EN2: variants seen among roughly 807,000 people sequenced by gnomAD.
EN2 encodes the protein engrailed homeobox 2.
In EN2, 7 loss-of-function variants were observed where a neutral mutation model predicts 25.0. That is an observed-to-expected ratio of 0.28 (90% CI 0.16 to 0.53). EN2 has a LOEUF of 0.53. EN2 is among the 20% of genes least tolerant of loss of function. The probability of loss-of-function intolerance (pLI) is 0.96; values close to 1 mark genes in which losing one functional copy is unlikely to be tolerated. For synonymous variants in EN2, 277 were observed against 243.3 expected (o/e 1.14, Z -1.29); for missense variants, 524 against 501.8 (o/e 1.04, Z -0.42).
chr7:155,458,288 G>A lies in EN2; in HGVS notation c.-90G>A, dbSNP rs1044447218. The A allele has an allele frequency of 1.7e-5, 21 of 1,243,830 alleles. No homozygotes were observed. The highest frequency in any genetic ancestry group is 1.9e-5 in the Non-Finnish European group (19 of 986,644). 77.0% of individuals were successfully genotyped at this position (1,243,830 alleles called of 1,614,324 possible). On this transcript the variant is annotated 5_prime_UTR_variant, in exon 1 of 2. Coordinates refer to ENST00000297375, the MANE Select transcript of EN2 (RefSeq NM_001427.4). ...TCGGAAGACTCGGCGGGGTGGGGGC[G>A]CGGGGGTCTCCGTGTGCGCCGCGGG...
intron 1 of EN2, among the ~76,000 whole-genome samples, 171 bp from the exon 2 acceptor site, chr7:155,462,200 C>T (rs1028699206): frequency 2.0e-5 from 3 of 152,200 alleles, no homozygotes; most frequent in African/African-American, 4.8e-5. Flanking sequence ...GGTGGAGGTC[C>T]GCGTTGAGCC....
chr7:155,464,374 G>A lies in EN2; in HGVS notation c.*1687G>A, dbSNP rs1795735244. 6.6e-6 allele frequency: 1 copy of A among 152,488 alleles called. No individual in the cohort carries two copies. The highest frequency in any genetic ancestry group is 2.4e-5 in the African/African-American group (1 of 41,422). The allele number at this position is 152,488 out of a possible 1,614,324, so 9.4% of individuals were successfully genotyped here. Reference sequence around the variant, plus strand: ...GGGGTGTGCCCACGGCTGACCCAGGGGTGTGCACACGGCTGAGCTGGGAGT... The same window carrying A: ...GGGGTGTGCCCACGGCTGACCCAGGAGTGTGCACACGGCTGAGCTGGGAGT... On this transcript the variant is annotated 3_prime_UTR_variant, in exon 2 of 2. Coordinates refer to ENST00000297375, the MANE Select transcript of EN2 (RefSeq NM_001427.4).
intron 1 of EN2, among the ~76,000 whole-genome samples, chr7:155,461,073 T>C (rs1159577058): frequency 1.3e-5 from 2 of 152,178 alleles, no homozygotes; most frequent in African/African-American, 4.8e-5. Flanking sequence ...AGCACCCTAG[T>C]TGACTCTCCT....
In EN2 at chr7:155,458,599, C is replaced by G; in HGVS notation, c.222C>G (p.Ile74Met). The change falls in exon 1 of 2, where the codon ATC becomes ATG. Residue 74 changes from isoleucine (I) to methionine (M), a missense_variant. By Grantham distance (10) the Ile-to-Met change is conservative. Coordinates refer to ENST00000297375, the MANE Select transcript of EN2 (RefSeq NM_001427.4). Reference protein sequence around the residue: ...HRITNFFIDNILRPEFGRRKD... With the variant: ...HRITNFFIDNMLRPEFGRRKD... Reference sequence around the variant, plus strand: ...TCACCAACTTCTTCATCGACAACATCCTGCGGCCCGAGTTCGGCCGGCGAA... The same window carrying G: ...TCACCAACTTCTTCATCGACAACATGCTGCGGCCCGAGTTCGGCCGGCGAA... 1 of 1,477,676 alleles carries G rather than the reference C, an allele frequency of 6.8e-7. No individual in the cohort carries two copies. Among genetic ancestry groups the G allele is most frequent in the Non-Finnish European group, 9.0e-7 (1 of 1,112,308 alleles). 91.5% of individuals were successfully genotyped at this position (1,477,676 alleles called of 1,614,324 possible).
Position 155,461,850 on chromosome 7 carries a change from G to C in EN2, c.686-521G>C, listed in dbSNP as rs1390115046. 3.9e-5 allele frequency among the ~76,000 whole-genome samples: 6 copies of C among 152,312 alleles called. No homozygotes were observed. The East Asian group carries it at 1.2e-3, about 29-fold the overall frequency. ...ACACTCTGGGCCCCTCCTGTCCTCA[G>C]GGCCCACCTGCCCCTGATTCCCACA... On this transcript the variant is annotated intron_variant, in intron 1 of 1. Transcript: ENST00000297375.
In EN2 at chr7:155,458,611, G is replaced by A; in HGVS notation, c.234G>A (p.Glu78=). 6.8e-7 allele frequency: 1 copy of A among 1,468,610 alleles called. No homozygotes were observed. Among genetic ancestry groups the A allele is most frequent in the Non-Finnish European group, 9.0e-7 (1 of 1,108,176 alleles). 91.0% of individuals were successfully genotyped at this position (1,468,610 alleles called of 1,614,324 possible). A position where few individuals can be genotyped will look rare whatever the true frequency, so the allele number is the denominator to read the frequency against. ...TCATCGACAACATCCTGCGGCCCGAGTTCGGCCGGCGAAAGGACGCGGGGA... is the reference window on the plus strand; with the variant it reads ...TCATCGACAACATCCTGCGGCCCGAATTCGGCCGGCGAAAGGACGCGGGGA... ...NFFIDNILRP[E]FGRRKDAGTC... is the part of the protein sequence containing the mutation. Residue 78 remains glutamate, a synonymous_variant, in exon 1 of 2, where the codon GAG becomes GAA. Transcript: ENST00000297375.
chr7:155,458,218 C>G lies in EN2; in HGVS notation c.-160C>G. ...GTGGCTCCGCGCCGAGCGCGGCCGG[C>G]GACTTGTAGGACCTCAGCCCTGGCC... On this transcript the variant is annotated 5_prime_UTR_variant, in exon 1 of 2. Transcript: ENST00000297375. The G allele has an allele frequency of 1.0e-6, 1 of 1,002,036 alleles. No individual in the cohort carries two copies. The highest frequency in any genetic ancestry group is 1.3e-6 in the Non-Finnish European group (1 of 768,894). 62.1% of individuals were successfully genotyped at this position (1,002,036 alleles called of 1,614,324 possible). A position where few individuals can be genotyped will look rare whatever the true frequency, so the allele number is the denominator to read the frequency against.
Position 155,458,908 on chromosome 7 carries a change from G to A in EN2, c.531G>A (p.Leu177=). The A allele has an allele frequency of 1.3e-6, 2 of 1,512,748 alleles. No individual in the cohort carries two copies. The highest frequency in any genetic ancestry group is 8.8e-7 in the Non-Finnish European group (1 of 1,137,986). 93.7% of individuals were successfully genotyped at this position (1,512,748 alleles called of 1,614,324 possible). ...AKKGGDPGGP[L]DGSLKARGLG... ...AAGGCGGCGACCCCGGCGGCCCCCT[G>A]GACGGGTCGCTCAAGGCCCGCGGCT... is the stretch of plus-strand genomic sequence containing the variant. Residue 177 remains leucine (L), a synonymous_variant, in exon 1 of 2, where the codon CTG becomes CTA. Transcript: ENST00000297375.
chr7:155,460,921 G>T (rs73734528), intron 1 of EN2, among the ~76,000 whole-genome samples: 1,607 of 152,308 alleles, frequency 0.011, 30 homozygotes, highest in African/African-American at 0.036. Context: ...TGCCCTTGGT[G>T]CTCCTGAGGT....
rs1217804556 is a variant in EN2, at chr7:155,463,636, T to A, written c.*949T>A. The A allele has an allele frequency of 6.6e-6, 1 of 152,304 alleles. No homozygotes were observed. Among genetic ancestry groups the A allele is most frequent in the Non-Finnish European group, 1.5e-5 (1 of 68,184 alleles). The allele number at this position is 152,304 out of a possible 1,614,324, so 9.4% of individuals were successfully genotyped here. A position where few individuals can be genotyped will look rare whatever the true frequency, so the allele number is the denominator to read the frequency against. Reference sequence around the variant, plus strand: ...TAACCCTCCTGCCCTGGGCACTGCCTCCATGCAGAAGCGCTTCGAGGTTCT... The same window carrying A: ...TAACCCTCCTGCCCTGGGCACTGCCACCATGCAGAAGCGCTTCGAGGTTCT... On this transcript the variant is annotated 3_prime_UTR_variant, in exon 2 of 2. Transcript: ENST00000297375.
rs1185392817 is a variant in EN2, at chr7:155,463,014, A to G, written c.*327A>G. Reference sequence around the variant, plus strand: ...ATTATATGACATTGGACACTTTTTTATTATTCCAAAAGAAGAAAAAATTAA... The same window carrying G: ...ATTATATGACATTGGACACTTTTTTGTTATTCCAAAAGAAGAAAAAATTAA... On this transcript the variant is annotated 3_prime_UTR_variant, in exon 2 of 2. Coordinates refer to ENST00000297375, the MANE Select transcript of EN2 (RefSeq NM_001427.4). 5.1e-6 allele frequency: 1 copy of G among 194,494 alleles called. No individual in the cohort carries two copies. The highest frequency in any genetic ancestry group is 1.0e-5 in the Non-Finnish European group (1 of 96,820). The allele number at this position is 194,494 out of a possible 1,614,324, so 12.0% of individuals were successfully genotyped here. A position where few individuals can be genotyped will look rare whatever the true frequency, so the allele number is the denominator to read the frequency against.
chr7:155,462,359 G>A lies in EN2; in HGVS notation c.686-12G>A, dbSNP rs185085386. On this transcript the variant is annotated splice_polypyrimidine_tract_variant and intron_variant, in intron 1 of 1. Coordinates refer to ENST00000297375, the MANE Select transcript of EN2 (RefSeq NM_001427.4). ...GTAACCTGACTTCTCTCTGTCCACCGTATCTACCCAGGTCCCAGGTCTCGA... is the reference window on the plus strand; with the variant it reads ...GTAACCTGACTTCTCTCTGTCCACCATATCTACCCAGGTCCCAGGTCTCGA... 3.0e-5 allele frequency: 48 copies of A among 1,598,342 alleles called. No homozygotes were observed. In the Admixed American group the frequency reaches 3.7e-4, roughly 12 times the overall value.
chr7:155,462,308 G>T lies in EN2; in HGVS notation c.686-63G>T, dbSNP rs75265386. The T allele has an allele frequency of 3.1e-4, 477 of 1,523,542 alleles. 3 individuals are homozygous for T. In the African/African-American group the frequency reaches 5.9e-3, roughly 19 times the overall value. The allele number at this position is 1,523,542 out of a possible 1,614,324, so 94.4% of individuals were successfully genotyped here. On this transcript the variant is annotated intron_variant, in intron 1 of 1. Transcript: ENST00000297375. ...CTTGGGGCCCCAGAATCCTTACCCG[G>T]TGCCTATTGGGTGGCACACCTCTGG...
rs1266719649 is a variant in EN2, at chr7:155,458,319, C to A, written c.-59C>A. 3 of 1,265,770 alleles carry A rather than the reference C, an allele frequency of 2.4e-6. No homozygotes were observed. Among genetic ancestry groups the A allele is most frequent in the East Asian group, 6.1e-5 (2 of 32,648 alleles). The allele number at this position is 1,265,770 out of a possible 1,614,324, so 78.4% of individuals were successfully genotyped here. ...GTCTCCGTGTGCGCCGCGGGAGGGC[C>A]GAAGGCTGATTTGGAAGGGCGTCCC... On this transcript the variant is annotated 5_prime_UTR_variant, in exon 1 of 2. Transcript: ENST00000297375.
rs1223756356 is a variant in EN2 at position 155,462,502 on chromosome 7, C to T, written c.817C>T (p.Arg273Trp). Residue 273 changes from arginine to tryptophan, a missense_variant, in exon 2 of 2, where the codon CGG (arginine) becomes TGG (tryptophan). By Grantham distance (101) the Arg-to-Trp change is moderately radical (BLOSUM62 -3). Transcript: ENST00000297375. ...GACCAACAGGTACCTGACGGAGCAG[C>T]GGCGCCAGAGCCTGGCGCAGGAGCT... is the stretch of plus-strand genomic sequence containing the variant. ...FQTNRYLTEQ[R>W]RQSLAQELSL... The T allele has an allele frequency of 1.9e-6, 3 of 1,614,202 alleles. No individual in the cohort carries two copies. The highest frequency in any genetic ancestry group is 2.2e-5 in the East Asian group (1 of 44,886).
At chr7:155,459,206 T>A (rs967709369) in intron 1 of EN2, 144 bp downstream of exon 1, 14 of 977,264 alleles carry the variant, frequency 1.4e-5, no homozygotes, top group Non-Finnish European at 2.0e-5. Flanking sequence ...CGACATTGTG[T>A]GAAGCTGACG....
In EN2 at chr7:155,458,769, A is replaced by G; in HGVS notation, c.392A>G (p.Gln131Arg). Residue 131 changes from glutamine (Q) to arginine (R), a missense_variant, in exon 1 of 2, where the codon CAG (glutamine) becomes CGG (arginine). Gln to Arg is a conservative substitution (Grantham distance 43). Coordinates refer to ENST00000297375, the MANE Select transcript of EN2 (RefSeq NM_001427.4). The stretch of plus-strand genomic sequence containing the variant: ...GGCTCGGGCTCCCGAGAGCCCCGGC[A>G]GAACCCGCCATGTGCGCCCGGCGCG... ...LLGSGSREPR[Q>R]NPPCAPGAGG... 1 of 1,371,874 alleles carries G rather than the reference A, an allele frequency of 7.3e-7. No homozygotes were observed. The highest frequency in any genetic ancestry group is 9.3e-7 in the Non-Finnish European group (1 of 1,071,068). 85.0% of individuals were successfully genotyped at this position (1,371,874 alleles called of 1,614,324 possible). A position where few individuals can be genotyped will look rare whatever the true frequency, so the allele number is the denominator to read the frequency against.
At chr7:155,461,049 C>T (rs1438589738) in intron 1 of EN2, among the ~76,000 whole-genome samples, 3 of 152,186 alleles carry the variant, frequency 2.0e-5, no homozygotes, top group African/African-American at 7.2e-5. Flanking sequence ...CCACCTCTTG[C>T]TGGGCACAGC....
In EN2 at chr7:155,458,738, C is replaced by T. The variant is rs3735653; in HGVS notation, c.361C>T (p.Leu121Phe). The T allele has an allele frequency of 0.48, 662,847 of 1,370,062 alleles. 164,063 individuals carry two copies. Among genetic ancestry groups the T allele is most frequent in the East Asian group, 0.63 (20,352 of 32,490 alleles). 84.9% of individuals were successfully genotyped at this position (1,370,062 alleles called of 1,614,324 possible). The change falls in exon 1 of 2, where the codon CTC becomes TTC. Residue 121 changes from leucine (L) to phenylalanine (F), a missense_variant. By Grantham distance (22) the Leu-to-Phe change is conservative. Coordinates refer to ENST00000297375, the MANE Select transcript of EN2 (RefSeq NM_001427.4). ...GGGGAGGSEQLLGSGSREPRQ... is the reference protein window; with the variant it reads ...GGGGAGGSEQFLGSGSREPRQ... ...CGGCGGCGCGGGCGGCTCGGAGCAGCTCTTGGGCTCGGGCTCCCGAGAGCC... is the reference window on the plus strand; with the variant it reads ...CGGCGGCGCGGGCGGCTCGGAGCAGTTCTTGGGCTCGGGCTCCCGAGAGCC...
Sources: gnomAD v4.1 joint callset for allele counts (sites outside exome capture counted in the v4.1 genomes callset) on GRCh38, gnomAD v4.1.1 for gene constraint, MANE v1.5 for transcripts, NCBI Gene and HGNC (gene_info 2026-07-23, HGNC 2026-07-21) for gene names.